The following SCAPER variants were observed in gnomAD, a reference collection of about 807,000 sequenced individuals.
SCAPER encodes the protein S-phase cyclin A associated protein in the ER.
SCAPER carries 98 observed loss-of-function variants against 182.2 expected under a neutral mutation model. That is an observed-to-expected ratio of 0.54 (90% CI 0.46 to 0.64). The LOEUF (loss-of-function observed/expected upper bound fraction) is 0.64. Ranked by LOEUF, SCAPER falls within the 30% of genes least tolerant of loss-of-function variation. The pLI is 0.00. For synonymous variants in SCAPER, 605 were observed against 564.6 expected, an observed-to-expected ratio of 1.07 and a Z score of -1.01; for missense variants, 1,432 against 1,690.0, an observed-to-expected ratio of 0.85 and a Z score of 2.68.
At chr15:76,775,250 A>C in intron 8 of SCAPER, 133 bp from the exon 9 acceptor site, 1 of 748,150 alleles carries the variant, frequency 1.3e-6, no homozygotes, top group Non-Finnish European at 2.1e-6. Context: ...AGAGTATTAT[A>C]CAAAATGTAT....
chr15:76,710,761 AC>A (rs1305336991), intron 17 of SCAPER, among the ~76,000 whole-genome samples: 1 of 152,148 alleles, frequency 6.6e-6, no homozygotes, highest in African/African-American at 2.4e-5. Context: ...GATAAGCTGA[AC>A]CTAAAATTTA....
intron 18 of SCAPER, among the ~76,000 whole-genome samples, chr15:76,705,348 T>C (rs1191444216): frequency 7.7e-6 from 1 of 129,946 alleles, no homozygotes; most frequent in Non-Finnish European, 1.5e-5. Context: ...AATTGAACAA[T>C]GAGAACACAT....
chr15:76,355,313 G>A (rs1365815496), intron 29 of SCAPER, among the ~76,000 whole-genome samples: 1 of 152,226 alleles, frequency 6.6e-6, no homozygotes, highest in African/African-American at 2.4e-5. Flanking sequence ...ATAGGGACTT[G>A]TTAATACCTT....
In SCAPER at chr15:76,600,437, A is replaced by G. The variant is rs1435531130; in HGVS notation, c.2711+21327T>C. On this transcript the variant is annotated intron_variant, in intron 22 of 31. Coordinates refer to ENST00000563290, the MANE Select transcript of SCAPER (RefSeq NM_020843.4). ...TGTGTGTGTGTGTGTGTGTATACAT[A>G]TACATATATATATATATTTTTTTTT... 6.1e-5 allele frequency among the ~76,000 whole-genome samples: 4 copies of G among 65,312 alleles called. 2 individuals are homozygous for G. In the East Asian group the frequency reaches 1.5e-3, roughly 25 times the overall value. The allele number at this position is 65,312 out of a possible 152,430, so 42.8% of individuals were successfully genotyped here. A position where few individuals can be genotyped will look rare whatever the true frequency, so the allele number is the denominator to read the frequency against.
chr15:76,806,974 G>C (rs2066210440), intron 5 of SCAPER, among the ~76,000 whole-genome samples: 1 of 151,940 alleles, frequency 6.6e-6, no homozygotes, highest in African/African-American at 2.4e-5. Flanking sequence ...TGTCTTTAAG[G>C]GTTCTTTATA....
chr15:76,579,844 TGGAAACCAAACAAGA>T (rs1001996931), intron 22 of SCAPER, among the ~76,000 whole-genome samples: 7 of 151,738 alleles, frequency 4.6e-5, no homozygotes, highest in Non-Finnish European at 8.8e-5. Context: ...TACATGAAAA[TGGAAACCAAACAAGA>T]GTACAAGTAG....
At position 76,488,714 on chromosome 15, in the gene SCAPER, C is replaced by CTTTTTT. The variant is rs71143333; in HGVS notation, c.2954+16139_2954+16144dup. Among the ~76,000 whole-genome samples the CTTTTTT allele has an allele frequency of 2.0e-3, 187 of 93,092 alleles. 37 individuals are homozygous for CTTTTTT. Among genetic ancestry groups the CTTTTTT allele is most frequent in the African/African-American group, 6.5e-3 (137 of 20,934 alleles). 61.1% of individuals were successfully genotyped at this position (93,092 alleles called of 152,430 possible). A position where few individuals can be genotyped will look rare whatever the true frequency, so the allele number is the denominator to read the frequency against. On this transcript the variant is annotated intron_variant, in intron 24 of 31. Transcript: ENST00000563290. ...TTGCATCCTGATAACAGTACACTGC[C>CTTTTTT]TTTTTTTTTTTTTTTTTTTTTTTTT...
chr15:76,690,429 G>T (rs191058994), intron 20 of SCAPER, among the ~76,000 whole-genome samples: 265 of 152,226 alleles, frequency 1.7e-3, no homozygotes, highest in African/African-American at 5.9e-3. Context: ...TAAATGAAAT[G>T]TATAGTCCTA....
intron 17 of SCAPER, among the ~76,000 whole-genome samples, chr15:76,706,941 T>C (rs2059293730): frequency 2.0e-5 from 3 of 152,052 alleles, no homozygotes; most frequent in Non-Finnish European, 4.4e-5. Flanking sequence ...CATATACAAC[T>C]GTATAAAGAA....
intron 27 of SCAPER, among the ~76,000 whole-genome samples, chr15:76,397,196 A>AT (rs1330308143): frequency 6.6e-6 from 1 of 152,098 alleles, no homozygotes; most frequent in Non-Finnish European, 1.5e-5. Context: ...ATCATAATGA[A>AT]TGATCTTTTT....
intron 1 of SCAPER, among the ~76,000 whole-genome samples, chr15:76,893,663 G>A (rs778944026): frequency 1.1e-4 from 16 of 152,206 alleles, no homozygotes; most frequent in South Asian, 8.3e-4. Context: ...TAGATCATAT[G>A]TTAGGCCACA....
intron 29 of SCAPER, among the ~76,000 whole-genome samples, chr15:76,368,670 AG>A (rs1219203114): frequency 6.6e-6 from 1 of 152,224 alleles, no homozygotes; most frequent in Non-Finnish European, 1.5e-5. Flanking sequence ...AAAGGGGTTA[AG>A]GGGATCCTTC....
chr15:76,421,363 G>A (rs1274358852), intron 26 of SCAPER, among the ~76,000 whole-genome samples: 1 of 152,222 alleles, frequency 6.6e-6, no homozygotes, highest in Non-Finnish European at 1.5e-5. Context: ...GCATTTCTCT[G>A]ATGGCCAGTG....
intron 25 of SCAPER, among the ~76,000 whole-genome samples, chr15:76,465,929 G>A (rs1171605641): frequency 2.0e-5 from 3 of 152,092 alleles, no homozygotes; most frequent in Non-Finnish European, 4.4e-5. Context: ...TTTCTGCTGA[G>A]AAATATGTTG....
chr15:76,710,441 C>A (rs527319409), intron 17 of SCAPER, among the ~76,000 whole-genome samples: 1 of 152,004 alleles, frequency 6.6e-6, no homozygotes, highest in Admixed American at 6.6e-5. Flanking sequence ...TCATTAAAAA[C>A]AGAGTTGTAG....
intron 5 of SCAPER, among the ~76,000 whole-genome samples, chr15:76,818,402 T>C (rs990940675): frequency 2.6e-5 from 4 of 152,186 alleles, no homozygotes; most frequent in Non-Finnish European, 4.4e-5. Flanking sequence ...AATGAATTGT[T>C]AGATACAACA....
Position 76,434,329 on chromosome 15 carries a change from C to T in SCAPER, c.3079-19G>A, listed in dbSNP as rs756528990. ...CATAAACCTAGATGAAAAAAAAGTACAGTAAATATGTTTCAATAAAACCAC... is the reference window on the plus strand; with the variant it reads ...CATAAACCTAGATGAAAAAAAAGTATAGTAAATATGTTTCAATAAAACCAC... On this transcript the variant is annotated intron_variant, in intron 25 of 31. Coordinates refer to ENST00000563290, the MANE Select transcript of SCAPER (RefSeq NM_020843.4). 1.9e-6 allele frequency: 3 copies of T among 1,553,274 alleles called. No individual in the cohort carries two copies. The highest frequency in any genetic ancestry group is 2.3e-5 in the South Asian group (2 of 87,168).
intron 29 of SCAPER, among the ~76,000 whole-genome samples, chr15:76,365,459 C>T (rs936448223): frequency 6.6e-6 from 1 of 152,126 alleles, no homozygotes; most frequent in African/African-American, 2.4e-5. Context: ...AAACACAGCA[C>T]AAGAAAATTG....
At chr15:76,570,174 C>T (rs2047335692) in intron 23 of SCAPER, among the ~76,000 whole-genome samples, 1 of 152,124 alleles carries the variant, frequency 6.6e-6, no homozygotes, top group Non-Finnish European at 1.5e-5. Context: ...TCCCAGCCAC[C>T]TACATGATTT....
Sources: allele counts gnomAD v4.1 joint callset (sites outside exome capture counted in the v4.1 genomes callset), GRCh38; gene constraint gnomAD v4.1.1; transcripts MANE v1.5; gene names NCBI Gene and HGNC (gene_info 2026-07-23, HGNC 2026-07-21).